Variants in TNFAIP8 observed in about 807,000 individuals in gnomAD.
TNFAIP8 encodes tumor necrosis factor alpha-induced protein 8.
A neutral mutation model predicts 13.3 loss-of-function variants in TNFAIP8; 7 were observed. The ratio of observed to expected loss-of-function variants is 0.52; its 90% CI spans 0.30 to 0.99. The LOEUF is 0.99. Among genes scored for constraint, TNFAIP8 ranks in the 50% least tolerant of loss-of-function variants. TNFAIP8 has a pLI of 0.07. For missense variants in TNFAIP8, 258 were observed against 236.9 expected, an observed-to-expected ratio of 1.09 and a Z score of -0.58; for synonymous variants, 94 against 87.6, an observed-to-expected ratio of 1.07 and a Z score of -0.41.
At chr5:119,387,732 C>T (rs758514992) in intron 1 of TNFAIP8, among the ~76,000 whole-genome samples, 2 of 152,084 alleles carry the variant, frequency 1.3e-5, no homozygotes, top group African/African-American at 4.8e-5. Context: ...ATCACTTTGC[C>T]TTACAGCAAA....
At chr5:119,367,236 G>T (rs1751892513) in intron 1 of TNFAIP8, among the ~76,000 whole-genome samples, 1 of 151,956 alleles carries the variant, frequency 6.6e-6, no homozygotes, top group South Asian at 2.1e-4. Context: ...TAAATTCTCA[G>T]ATAACCCTTC....
intron 1 of TNFAIP8, among the ~76,000 whole-genome samples, chr5:119,295,093 GT>G (rs1465162698): frequency 6.6e-6 from 1 of 151,912 alleles, no homozygotes; most frequent in Non-Finnish European, 1.5e-5. Flanking sequence ...TGCTTTTGGT[GT>G]TTTAGACATG....
intron 1 of TNFAIP8, chr5:119,268,994 C>T: frequency 1.6e-6 from 1 of 631,306 alleles, no homozygotes; most frequent in Non-Finnish European, 2.8e-6. Context: ...CGGGGAGCGC[C>T]TCCGGCTCAG....
At chr5:119,378,387 C>T (rs1001595413) in intron 1 of TNFAIP8, among the ~76,000 whole-genome samples, 2 of 152,130 alleles carry the variant, frequency 1.3e-5, no homozygotes, top group African/African-American at 4.8e-5. Context: ...TACATGAAAG[C>T]CTAGCAAATT....
intron 1 of TNFAIP8, among the ~76,000 whole-genome samples, chr5:119,282,770 C>T (rs62375087): frequency 0.022 from 3,276 of 152,252 alleles, 72 homozygotes; most frequent in Admixed American, 0.081. Context: ...TTCCACCTGC[C>T]CAGACAGGCC....
intron 1 of TNFAIP8, among the ~76,000 whole-genome samples, chr5:119,325,699 C>T (rs1029794926): frequency 2.0e-5 from 3 of 152,162 alleles, no homozygotes; most frequent in African/African-American, 7.2e-5. Flanking sequence ...CCGCCGGCCT[C>T]GGCCTCCCAT....
intron 1 of TNFAIP8, among the ~76,000 whole-genome samples, chr5:119,382,465 TTC>T (rs1562031761): frequency 6.6e-6 from 1 of 152,320 alleles, no homozygotes; most frequent in East Asian, 1.9e-4. Flanking sequence ...TGGGTTTATG[TTC>T]TCTCTTTTCG....
rs1338222138 is a variant in TNFAIP8, at chr5:119,298,243, A to G, written c.1+29336A>G. 3.3e-5 allele frequency among the ~76,000 whole-genome samples: 5 copies of G among 151,772 alleles called. No homozygotes were observed. In the East Asian group the frequency reaches 9.7e-4, roughly 29 times the overall value. On this transcript the variant is annotated intron_variant, in intron 1 of 1. Coordinates refer to the TNFAIP8 transcript ENST00000274456. ...TTGGCATGATTTTGCAGTGGCTGGT[A>G]CCGGTTGTTCCTTTCCATGTTTAGT...
chr5:119,330,087 T>C (rs1750326634), intron 1 of TNFAIP8, among the ~76,000 whole-genome samples: 1 of 151,928 alleles, frequency 6.6e-6, no homozygotes, highest in African/African-American at 2.4e-5. Flanking sequence ...AAGCTATAAT[T>C]AGCGCCATGG....
exon 1 of TNFAIP8, chr5:119,268,795 C>T: frequency 2.9e-6 from 2 of 692,048 alleles, no homozygotes; most frequent in Non-Finnish European, 2.6e-6. Context: ...CTAACCCGCG[C>T]TTGGCTAAGG....
At chr5:119,319,174 G>A (rs1749982702) in intron 1 of TNFAIP8, among the ~76,000 whole-genome samples, 1 of 152,190 alleles carries the variant, frequency 6.6e-6, no homozygotes. Flanking sequence ...TTTGGGAGGT[G>A]AAGGCGGGAG....
In TNFAIP8 at chr5:119,398,255, C is replaced by T. The variant is rs1753119535; in HGVS notation, c.*4874C>T. The T allele has an allele frequency of 6.6e-6, 1 of 152,176 alleles. No individual in the cohort carries two copies. The highest frequency in any genetic ancestry group is 2.4e-5 in the African/African-American group (1 of 41,444). 9.4% of individuals were successfully genotyped at this position (152,176 alleles called of 1,614,324 possible). On this transcript the variant is annotated 3_prime_UTR_variant, in exon 2 of 2. Coordinates refer to ENST00000504771, the MANE Select transcript of TNFAIP8 (RefSeq NM_014350.4). ...TGGAAATAAAGTAGATGATCAGGCACTTGCGGTTTGTTCTTAATACAAGAA... is the reference window on the plus strand; with the variant it reads ...TGGAAATAAAGTAGATGATCAGGCATTTGCGGTTTGTTCTTAATACAAGAA...
rs1220199453 is a variant in TNFAIP8 at position 119,393,262 on chromosome 5, G to A, written c.478G>A (p.Asp160Asn). The A allele has an allele frequency of 6.2e-7, 1 of 1,613,952 alleles. No individual in the cohort carries two copies. The highest frequency in any genetic ancestry group is 8.5e-7 in the Non-Finnish European group (1 of 1,179,874). The change falls in exon 2 of 2, where the codon GAT becomes AAT. Residue 160 changes from aspartate (D) to asparagine (N), a missense_variant. Transcript: ENST00000504771. The part of the protein sequence containing the change: ...KSHGRVNNVF[D>N]HFSDCEFLAA... Reference sequence around the variant, plus strand: ...ACATGGACGGGTTAATAATGTGTTTGATCATTTTTCAGATTGTGAATTTTT... The same window carrying A: ...ACATGGACGGGTTAATAATGTGTTTAATCATTTTTCAGATTGTGAATTTTT...
At chr5:119,318,709 C>G (rs1034489855) in intron 1 of TNFAIP8, among the ~76,000 whole-genome samples, 3 of 146,070 alleles carry the variant, frequency 2.1e-5, no homozygotes, top group Non-Finnish European at 4.5e-5. Context: ...GTCCCTCTTC[C>G]TGCCCCTCCT....
At chr5:119,331,405 A>T (rs1750375246) in intron 1 of TNFAIP8, among the ~76,000 whole-genome samples, 1 of 152,194 alleles carries the variant, frequency 6.6e-6, no homozygotes, top group South Asian at 2.1e-4. Flanking sequence ...TAAACAGCAC[A>T]CTTTGAATAG....
At chr5:119,277,365 T>C (rs1195258961) in intron 1 of TNFAIP8, among the ~76,000 whole-genome samples, 1 of 152,260 alleles carries the variant, frequency 6.6e-6, no homozygotes, top group African/African-American at 2.4e-5. Flanking sequence ...TGTGGGGCTT[T>C]TGATTTTTTA....
At chr5:119,333,335 A>T (rs1010837026) in intron 1 of TNFAIP8, 19 of 1,271,174 alleles carry the variant, frequency 1.5e-5, no homozygotes, top group South Asian at 2.3e-5. Context: ...GCATTCCACT[A>T]CAAGTGACGA....
intron 1 of TNFAIP8, among the ~76,000 whole-genome samples, chr5:119,296,749 C>T (rs527616889): frequency 6.6e-6 from 1 of 152,200 alleles, no homozygotes; most frequent in African/African-American, 2.4e-5. Flanking sequence ...GTGAATCCAT[C>T]TGGTCCTGGA....
intron 1 of TNFAIP8, among the ~76,000 whole-genome samples, chr5:119,388,798 A>ATTTT (rs1184704547): frequency 1.4e-5 from 2 of 140,596 alleles, no homozygotes; most frequent in African/African-American, 5.2e-5. Flanking sequence ...ATGCCCAGCT[A>ATTTT]TTTTTTTTTT....
Sources: allele counts gnomAD v4.1 joint callset (sites outside exome capture counted in the v4.1 genomes callset), GRCh38; gene constraint gnomAD v4.1.1; transcripts MANE v1.5; gene names NCBI Gene and HGNC (gene_info 2026-07-23, HGNC 2026-07-21).